The following YIPF7 variants were observed in gnomAD, a reference collection of about 807,000 sequenced individuals.
YIPF7 encodes Yip1 domain family member 7, also known as protein YIPF7.
In YIPF7, 35 loss-of-function variants were observed where a neutral mutation model predicts 27.2. The observed-to-expected ratio is 1.29, with a 90% CI of 0.98 to 1.70. The LOEUF (loss-of-function observed/expected upper bound fraction) is 1.70, where lower values mean the gene tolerates loss of function less well. Among genes scored for constraint, YIPF7 ranks in the 40% most tolerant of loss-of-function variants. The pLI is 0.00. For missense variants in YIPF7, 358 were observed against 303.7 expected (o/e 1.18, Z -1.33); for synonymous variants, 137 against 110.4 (o/e 1.24, Z -1.51).
At position 44,638,331 on chromosome 4, in the gene YIPF7, C is replaced by T. The variant is rs1397116073; in HGVS notation, c.117-2246G>A. Among the ~76,000 whole-genome samples, 5 of 151,672 alleles carry T rather than the reference C, an allele frequency of 3.3e-5. No homozygotes were observed. The East Asian group carries it at 5.8e-4, about 18-fold the overall frequency. ...GACTAGGCAAGCTTGCACTCAGGCC[C>T]GCCAGTCATGAGTGCATGTACCAGC... is the stretch of plus-strand genomic sequence containing the variant. On this transcript the variant is annotated intron_variant, in intron 2 of 5. Transcript: ENST00000415895.
intron 2 of YIPF7, among the ~76,000 whole-genome samples, chr4:44,637,652 G>T (rs1055541254): frequency 3.9e-5 from 6 of 152,106 alleles, no homozygotes; most frequent in Non-Finnish European, 8.8e-5. Context: ...ACATGAGTAA[G>T]TTCTTTACTG....
intron 2 of YIPF7, among the ~76,000 whole-genome samples, chr4:44,660,133 A>AAAAAAAAAAAAAAAAAAAG (rs1249037733): frequency 6.7e-6 from 1 of 148,156 alleles, no homozygotes; most frequent in Non-Finnish European, 1.5e-5. Context: ...AAAAAAAAAA[A>AAAAAAAAAAAAAAAAAAAG]AAACGAACCT....
Position 44,622,156 on chromosome 4 carries a change from G to T in YIPF7, c.*258C>A. On this transcript the variant is annotated 3_prime_UTR_variant, in exon 6 of 6. Coordinates refer to ENST00000415895, the MANE Select transcript of YIPF7 (RefSeq NM_182592.3). ...AGAAATACCTCTATTGAGAAAAGCA[G>T]GGTTGATCAGTACAGCAACTGTATC... 1 of 372,896 alleles carries T rather than the reference G, an allele frequency of 2.7e-6. No homozygotes were observed. The highest frequency in any genetic ancestry group is 4.8e-5 in the South Asian group (1 of 20,800). 23.1% of individuals were successfully genotyped at this position (372,896 alleles called of 1,614,324 possible).
At chr4:44,641,164 G>A (rs979676550) in intron 2 of YIPF7, among the ~76,000 whole-genome samples, 1 of 152,030 alleles carries the variant, frequency 6.6e-6, no homozygotes, top group Non-Finnish European at 1.5e-5. Flanking sequence ...TTCTTGGCTG[G>A]TCTTGGCCAT....
chr4:44,660,113 C>CAAAAAAAAAAAA lies in YIPF7; in HGVS notation c.-2+324_-2+335dup, dbSNP rs11461675. ...TGGGTGACAGAGCAAGACTCTGTCT[C>CAAAAAAAAAAAA]AAAAAAAAAAAAAAAAAAAAAAACG... On this transcript the variant is annotated intron_variant, in intron 2 of 2. Coordinates refer to the YIPF7 transcript ENST00000508947. Among the ~76,000 whole-genome samples the CAAAAAAAAAAAA allele has an allele frequency of 1.6e-3, 40 of 25,520 alleles. 12 individuals are homozygous for CAAAAAAAAAAAA. Among genetic ancestry groups the CAAAAAAAAAAAA allele is most frequent in the South Asian group, 5.2e-3 (2 of 384 alleles). The allele number at this position is 25,520 out of a possible 152,430, so 16.7% of individuals were successfully genotyped here. A position where few individuals can be genotyped will look rare whatever the true frequency, so the allele number is the denominator to read the frequency against.
upstream of YIPF7, among the ~76,000 whole-genome samples, chr4:44,652,530 T>A (rs966635636): frequency 2.0e-5 from 3 of 152,246 alleles, no homozygotes; most frequent in African/African-American, 7.2e-5. Context: ...AACAGCAGAA[T>A]GCTGGAGTAA....
intron 2 of YIPF7, 104 bp from the exon 3 acceptor site, chr4:44,636,189 A>C (rs960571141): frequency 2.5e-6 from 3 of 1,207,224 alleles, no homozygotes; most frequent in Non-Finnish European, 2.2e-6. Context: ...AGTTTTTATG[A>C]GTATTTACTC....
chr4:44,641,526 T>A (rs1224246264), intron 2 of YIPF7, among the ~76,000 whole-genome samples: 1 of 152,192 alleles, frequency 6.6e-6, no homozygotes, highest in Admixed American at 6.5e-5. Flanking sequence ...TAAAAGCCCT[T>A]GGGGTAAACT....
Position 44,622,552 on chromosome 4 carries a change from G to T in YIPF7, c.633C>A (p.Ser211=). 6.2e-7 allele frequency: 1 copy of T among 1,613,516 alleles called. No individual in the cohort carries two copies. The highest frequency in any genetic ancestry group is 1.1e-5 in the South Asian group (1 of 90,978). ...SLQGIFGIMS[S]LVIIGWCSLS... is the part of the protein sequence containing the mutation. ...GACTACACCAGCCAATGATGACCAG[G>T]GATGACATGATTCCAAAGATGCCCC... is the stretch of plus-strand genomic sequence containing the variant. Residue 211 remains serine, a synonymous_variant, in exon 6 of 6, where the codon TCC becomes TCA. Coordinates refer to ENST00000415895, the MANE Select transcript of YIPF7 (RefSeq NM_182592.3).
chr4:44,636,306 A>C (rs768982350), intron 2 of YIPF7, among the ~76,000 whole-genome samples: 5 of 152,214 alleles, frequency 3.3e-5, no homozygotes, highest in Admixed American at 1.3e-4. Context: ...ACATTAATTG[A>C]GCATGGACAA....
At chr4:44,634,514 A>T (rs940701503) in intron 3 of YIPF7, among the ~76,000 whole-genome samples, 3 of 152,210 alleles carry the variant, frequency 2.0e-5, no homozygotes, top group Non-Finnish European at 4.4e-5. Context: ...CCTCGGCAAC[A>T]GAGTAAGACT....
chr4:44,643,953 G>A (rs1026288926), intron 2 of YIPF7, among the ~76,000 whole-genome samples: 7 of 152,088 alleles, frequency 4.6e-5, no homozygotes, highest in Non-Finnish European at 8.8e-5. Context: ...AGGGAAGTGT[G>A]GAATGAAAAA....
intron 2 of YIPF7, among the ~76,000 whole-genome samples, chr4:44,658,677 C>A (rs761869678): frequency 1.2e-4 from 18 of 152,140 alleles, no homozygotes; most frequent in Non-Finnish European, 2.5e-4. Context: ...AGTTTTCATG[C>A]TGCTGATAAA....
At chr4:44,642,629 G>C (rs1338813012) in intron 2 of YIPF7, among the ~76,000 whole-genome samples, 1 of 152,134 alleles carries the variant, frequency 6.6e-6, no homozygotes, top group Non-Finnish European at 1.5e-5. Context: ...GGCCTAGTGG[G>C]AGGTGATTGA....
intron 3 of YIPF7, among the ~76,000 whole-genome samples, chr4:44,634,275 G>A (rs544591647): frequency 6.6e-5 from 10 of 152,176 alleles, no homozygotes; most frequent in East Asian, 1.9e-4. Flanking sequence ...GCTCATGCCC[G>A]TAATCCCAGC....
chr4:44,654,784 A>G (rs766193042), upstream of YIPF7, among the ~76,000 whole-genome samples: 1 of 152,000 alleles, frequency 6.6e-6, no homozygotes, highest in Admixed American at 6.6e-5. Flanking sequence ...TCTTAAATAT[A>G]TCTCTCACTA....
At chr4:44,642,991 A>T (rs1713389142) in intron 2 of YIPF7, among the ~76,000 whole-genome samples, 1 of 152,194 alleles carries the variant, frequency 6.6e-6, no homozygotes. Flanking sequence ...ATTGCTATAC[A>T]GATACTTGGA....
chr4:44,653,745 T>C (rs1452823935), upstream of YIPF7, among the ~76,000 whole-genome samples: 1 of 152,124 alleles, frequency 6.6e-6, no homozygotes, highest in Non-Finnish European at 1.5e-5. Context: ...CATTGTTATA[T>C]AGTGGCCAAA....
chr4:44,640,080 C>T (rs372488317), intron 2 of YIPF7, among the ~76,000 whole-genome samples: 13 of 152,084 alleles, frequency 8.5e-5, no homozygotes, highest in African/African-American at 3.1e-4. Context: ...TGTGCTGTTG[C>T]ATTTGGTTTG....
Sources: gnomAD v4.1 joint callset for allele counts (sites outside exome capture counted in the v4.1 genomes callset) on GRCh38, gnomAD v4.1.1 for gene constraint, MANE v1.5 for transcripts, NCBI Gene and HGNC (gene_info 2026-07-23, HGNC 2026-07-21) for gene names.